The following ADAMTS18 variants were observed in gnomAD, a reference collection of about 807,000 sequenced individuals.
ADAMTS18 encodes ADAM metallopeptidase with thrombospondin type 1 motif 18, also known as A disintegrin and metalloproteinase with thrombospondin motifs 18.
In ADAMTS18, 157 loss-of-function variants were observed where a neutral mutation model predicts 165.9. The observed-to-expected ratio is 0.95, with a 90% CI of 0.83 to 1.08. The LOEUF (loss-of-function observed/expected upper bound fraction) is 1.08, where lower values mean the gene tolerates loss of function less well. ADAMTS18 is among the 50% of genes least tolerant of loss of function. The pLI is 0.00. For missense variants in ADAMTS18, 2,040 were observed against 1,534.0 expected, an observed-to-expected ratio of 1.33 and a Z score of -5.51; for synonymous variants, 782 against 578.2, an observed-to-expected ratio of 1.35 and a Z score of -5.06.
At position 77,367,423 on chromosome 16, in the gene ADAMTS18, A is replaced by G. The variant is rs1272075393; in HGVS notation, c.778+18T>C. 1.2e-6 allele frequency: 2 copies of G among 1,613,960 alleles called. No individual in the cohort carries two copies. The highest frequency in any genetic ancestry group is 3.3e-5 in the Admixed American group (2 of 60,010). ...AGGCCCACATAAGAACAGAAAAAGA[A>G]AAAGTTTCCTTACATACATTTCTTG... On this transcript the variant is annotated intron_variant, in intron 4 of 22. Transcript: ENST00000282849.
chr16:77,322,246 A>C, intron 14 of ADAMTS18, 90 bp downstream of exon 14: 2 of 1,529,122 alleles, frequency 1.3e-6, no homozygotes. Context: ...TTCTCCAGAC[A>C]CACAATCTCT....
At chr16:77,390,146 C>T (rs2057165971) in intron 3 of ADAMTS18, among the ~76,000 whole-genome samples, 1 of 152,060 alleles carries the variant, frequency 6.6e-6, no homozygotes, top group Admixed American at 6.6e-5. Flanking sequence ...AAGACAAAAA[C>T]TGAGACCAAG....
At chr16:77,330,135 T>C (rs2056164100) in intron 12 of ADAMTS18, among the ~76,000 whole-genome samples, 5 of 152,320 alleles carry the variant, frequency 3.3e-5, no homozygotes, top group South Asian at 4.1e-4. Flanking sequence ...TGAGCCGTGA[T>C]ATTACTGGTG....
At chr16:77,310,630 CT>C (rs932748298) in intron 16 of ADAMTS18, among the ~76,000 whole-genome samples, 1 of 135,828 alleles carries the variant, frequency 7.4e-6, no homozygotes, top group Admixed American at 7.6e-5. Flanking sequence ...ATGTCTTAAC[CT>C]TTTTTTCTTT....
intron 3 of ADAMTS18, among the ~76,000 whole-genome samples, chr16:77,385,774 C>T (rs1443729322): frequency 3.3e-5 from 5 of 152,272 alleles, no homozygotes; most frequent in African/African-American, 1.2e-4. Context: ...GTGGAAGAGC[C>T]AGACATGACC....
At chr16:77,372,010 G>C (rs937055381) in intron 3 of ADAMTS18, among the ~76,000 whole-genome samples, 1 of 151,934 alleles carries the variant, frequency 6.6e-6, no homozygotes, top group African/African-American at 2.4e-5. Flanking sequence ...GCCAACAGGG[G>C]TATATGAAAA....
intron 12 of ADAMTS18, among the ~76,000 whole-genome samples, chr16:77,334,803 TATAGTATACA>T (rs2056276099): frequency 8.1e-6 from 1 of 122,934 alleles, no homozygotes; most frequent in Non-Finnish European, 1.6e-5. Context: ...TACTATATAC[TATAGTATACA>T]GTATATATAC....
intron 13 of ADAMTS18, 131 bp downstream of exon 13, chr16:77,325,735 G>A: frequency 1.1e-6 from 1 of 915,292 alleles, no homozygotes; most frequent in Non-Finnish European, 1.6e-6. Flanking sequence ...GAAACACTGA[G>A]CCAGGATGGG....
intron 3 of ADAMTS18, among the ~76,000 whole-genome samples, chr16:77,418,074 G>C (rs553978174): frequency 6.6e-6 from 1 of 152,254 alleles, no homozygotes; most frequent in South Asian, 2.1e-4. Context: ...TTTCTTTAGA[G>C]ATCCAGTCAT....
At chr16:77,391,484 T>C (rs2057186367) in intron 3 of ADAMTS18, among the ~76,000 whole-genome samples, 1 of 139,836 alleles carries the variant, frequency 7.2e-6, no homozygotes, top group Non-Finnish European at 1.6e-5. Flanking sequence ...AGCGCAAGAC[T>C]CAGTCTCAAA....
At chr16:77,402,117 G>T (rs1038703510) in intron 3 of ADAMTS18, among the ~76,000 whole-genome samples, 1 of 152,092 alleles carries the variant, frequency 6.6e-6, no homozygotes, top group African/African-American at 2.4e-5. Flanking sequence ...CTACCTAATT[G>T]TATGTCCTAT....
intron 7 of ADAMTS18, 36 bp from the exon 8 acceptor site, chr16:77,359,459 G>C: frequency 6.4e-7 from 1 of 1,556,248 alleles, no homozygotes; most frequent in Non-Finnish European, 8.8e-7. Flanking sequence ...GAATCCAAAG[G>C]TTGCACACAC....
intron 12 of ADAMTS18, among the ~76,000 whole-genome samples, chr16:77,332,930 A>G (rs1363403139): frequency 1.3e-5 from 2 of 152,188 alleles, no homozygotes; most frequent in African/African-American, 4.8e-5. Context: ...TTCTCTTGAA[A>G]AGTCAGGCAG....
rs758173908 is a variant in ADAMTS18, at chr16:77,297,306, A to G, written c.2784T>C (p.Ala928=). ...KPVTEPKICN[A]FSCPAYWMPG... is the part of the protein sequence containing the mutation. ...TGACTTACTAAGCCGGGCAGGAGAA[A>G]GCGTTGCAGATTTTGGGCTCAGTTA... Residue 928 remains alanine (A), a synonymous_variant, in exon 18 of 23, where the codon GCT becomes GCC. Coordinates refer to ENST00000282849, the MANE Select transcript of ADAMTS18 (RefSeq NM_199355.4). The G allele has an allele frequency of 1.9e-6, 3 of 1,614,208 alleles. No individual in the cohort carries two copies. Among genetic ancestry groups the G allele is most frequent in the South Asian group, 1.1e-5 (1 of 91,084 alleles).
intron 3 of ADAMTS18, among the ~76,000 whole-genome samples, chr16:77,389,852 C>A (rs180833599): frequency 1.4e-4 from 21 of 152,280 alleles, no homozygotes; most frequent in Admixed American, 1.2e-3. Flanking sequence ...CACTGGTATG[C>A]ATAGGCTGTT....
At chr16:77,301,100 C>T (rs977586570) in intron 16 of ADAMTS18, among the ~76,000 whole-genome samples, 4 of 152,148 alleles carry the variant, frequency 2.6e-5, no homozygotes, top group Admixed American at 6.6e-5. Context: ...TTAGAATAGA[C>T]TTAACCTCCA....
At position 77,342,347 on chromosome 16, in the gene ADAMTS18, G is replaced by A. The variant is rs529802163; in HGVS notation, c.1615-548C>T. ...GGCACATGCAGTTCTCAAAAATACT[G>A]CCTATCATTACTACCTTTTTCATCT... On this transcript the variant is annotated intron_variant, in intron 10 of 22. Coordinates refer to ENST00000282849, the MANE Select transcript of ADAMTS18 (RefSeq NM_199355.4). 4.9e-4 allele frequency among the ~76,000 whole-genome samples: 74 copies of A among 152,256 alleles called. 1 individual carries two copies. Among genetic ancestry groups the A allele is most frequent in the African/African-American group, 1.6e-3 (66 of 41,540 alleles).
intron 12 of ADAMTS18, among the ~76,000 whole-genome samples, chr16:77,328,465 T>C (rs925877965): frequency 6.6e-6 from 1 of 152,152 alleles, no homozygotes; most frequent in Non-Finnish European, 1.5e-5. Flanking sequence ...CTCCTATAAC[T>C]GCACGCTAAA....
intron 16 of ADAMTS18, among the ~76,000 whole-genome samples, chr16:77,318,482 G>C (rs2055927484): frequency 6.6e-6 from 1 of 152,118 alleles, no homozygotes; most frequent in African/African-American, 2.4e-5. Flanking sequence ...CTGTACAATG[G>C]GGATTAAGTA....
Sources: allele counts gnomAD v4.1 joint callset (sites outside exome capture counted in the v4.1 genomes callset), GRCh38; gene constraint gnomAD v4.1.1; transcripts MANE v1.5; gene names NCBI Gene and HGNC (gene_info 2026-07-23, HGNC 2026-07-21).